MIR2052HG: variants seen among roughly 807,000 people sequenced by gnomAD.
MIR2052HG encodes the protein MIR2052 host gene.
intron 4 of MIR2052HG, among the ~76,000 whole-genome samples, chr8:74,738,694 CA>C: frequency 6.6e-6 from 1 of 152,260 alleles, no homozygotes; most frequent in East Asian, 1.9e-4. Context: ...ATTAATGCCA[CA>C]AAAATGGTGA....
intron 2 of MIR2052HG, among the ~76,000 whole-genome samples, chr8:74,685,247 A>G (rs1038512080): frequency 2.6e-5 from 4 of 152,136 alleles, no homozygotes; most frequent in African/African-American, 7.2e-5. Flanking sequence ...TGGCTAAGAT[A>G]TAATTTCACT....
chr8:74,680,759 C>A (rs1275152957), intron 2 of MIR2052HG, among the ~76,000 whole-genome samples: 1 of 152,050 alleles, frequency 6.6e-6, no homozygotes, highest in East Asian at 1.9e-4. Flanking sequence ...CAGACACATG[C>A]ACACGTATGT....
intron 4 of MIR2052HG, among the ~76,000 whole-genome samples, chr8:74,722,892 C>G (rs992435758): frequency 6.6e-6 from 1 of 152,178 alleles, no homozygotes; most frequent in African/African-American, 2.4e-5. Flanking sequence ...AGAAATTCAA[C>G]TCTGGCCAAC....
Position 74,757,288 on chromosome 8 carries a change from A to G in MIR2052HG, n.465-823A>G, listed in dbSNP as rs911020075. 3.9e-5 allele frequency: 6 copies of G among 152,188 alleles called. No individual in the cohort carries two copies. In the East Asian group the frequency reaches 1.2e-3, roughly 29 times the overall value. The allele number at this position is 152,188 out of a possible 1,614,324, so 9.4% of individuals were successfully genotyped here. ...TTGTTCACTGCTGCCAAAAATAGTT[A>G]GCTTTATTATGAGCTCTTGTACTGG... is the stretch of plus-strand genomic sequence containing the variant. On this transcript the variant is annotated intron_variant and non_coding_transcript_variant, in intron 5 of 6. Transcript: ENST00000523442.
At chr8:74,684,785 C>G (rs753665900) in intron 2 of MIR2052HG, among the ~76,000 whole-genome samples, 1 of 151,980 alleles carries the variant, frequency 6.6e-6, no homozygotes, top group Non-Finnish European at 1.5e-5. Flanking sequence ...AAGGTGTGTT[C>G]AAGTGAGATT....
In MIR2052HG at chr8:74,633,579, A is replaced by G. The variant is rs181145416; in HGVS notation, n.216+20639A>G. On this transcript the variant is annotated intron_variant and non_coding_transcript_variant, in intron 2 of 6. Coordinates refer to ENST00000523442, the Ensembl canonical transcript of MIR2052HG. ...ATGACGGCAGAGATTGATTTCTAGC[A>G]TTGTCATGTCACTTGCATGAGTTGT... Among the ~76,000 whole-genome samples, 44 of 152,240 alleles carry G rather than the reference A, an allele frequency of 2.9e-4. No individual in the cohort carries two copies. In the Middle Eastern group the frequency reaches 0.014, roughly 47 times the overall value.
chr8:74,703,454 G>A (rs1005843769), intron 3 of MIR2052HG, among the ~76,000 whole-genome samples: 1 of 151,956 alleles, frequency 6.6e-6, no homozygotes, highest in African/African-American at 2.4e-5. Context: ...CTGGCTCCAA[G>A]CTAACAATAA....
At chr8:74,742,513 A>G in intron 4 of MIR2052HG, among the ~76,000 whole-genome samples, 1 of 152,168 alleles carries the variant, frequency 6.6e-6, no homozygotes, top group East Asian at 1.9e-4. Flanking sequence ...TGGATAAATG[A>G]TGCCTATAAT....
intron 1 of MIR2052HG, among the ~76,000 whole-genome samples, chr8:74,610,754 G>A (rs968824658): frequency 6.6e-6 from 1 of 151,938 alleles, no homozygotes. Flanking sequence ...TTTCAATAAT[G>A]TTGCTGTAAC....
At chr8:74,745,258 A>G (rs999704683) in intron 4 of MIR2052HG, among the ~76,000 whole-genome samples, 5 of 152,138 alleles carry the variant, frequency 3.3e-5, no homozygotes, top group African/African-American at 1.2e-4. Flanking sequence ...GCTAGACCTC[A>G]TCTCAAAAAC....
At chr8:74,663,264 T>G (rs921612426) in intron 2 of MIR2052HG, among the ~76,000 whole-genome samples, 12 of 152,136 alleles carry the variant, frequency 7.9e-5, no homozygotes, top group African/African-American at 2.7e-4. Flanking sequence ...GCTGGAGTAA[T>G]GACAAAGTTT....
chr8:74,677,135 T>A (rs749430468), intron 2 of MIR2052HG, among the ~76,000 whole-genome samples: 3 of 152,034 alleles, frequency 2.0e-5, no homozygotes, highest in Non-Finnish European at 4.4e-5. Flanking sequence ...AAGAGCTCAG[T>A]TCACCAGGAA....
In MIR2052HG at chr8:74,724,854, CT is replaced by C. The variant is rs112503330; in HGVS notation, n.371+21182del. 1.7e-4 allele frequency among the ~76,000 whole-genome samples: 25 copies of C among 149,854 alleles called. 2 individuals carry two copies. Among genetic ancestry groups the C allele is most frequent in the East Asian group, 1.6e-3 (8 of 5,096 alleles). On this transcript the variant is annotated intron_variant and non_coding_transcript_variant, in intron 4 of 6. Coordinates refer to ENST00000523442, the Ensembl canonical transcript of MIR2052HG. ...CACCATCTCAACACTGTATTATGGA[CT>C]TTTTTTTTTCTCCAACTTTACCTGG...
chr8:74,603,664 G>A (rs1476762238), intron 1 of MIR2052HG: 2 of 1,076,000 alleles, frequency 1.9e-6, no homozygotes, highest in African/African-American at 1.5e-5. Context: ...AAGGGTATAG[G>A]CCTGACCGCC....
chr8:74,695,228 A>C (rs1022096345), intron 2 of MIR2052HG, among the ~76,000 whole-genome samples: 1 of 152,202 alleles, frequency 6.6e-6, no homozygotes, highest in African/African-American at 2.4e-5. Flanking sequence ...TAAATGAAGG[A>C]AAGATACAAT....
intron 4 of MIR2052HG, among the ~76,000 whole-genome samples, chr8:74,746,997 A>G (rs2128756329): frequency 6.6e-6 from 1 of 152,286 alleles, no homozygotes; most frequent in Admixed American, 6.5e-5. Context: ...ATAGGAAAAA[A>G]GCTACCAAAG....
At position 74,615,771 on chromosome 8, in the gene MIR2052HG, CCCACAACAGGCCCTGG is replaced by C. The variant is rs566782900; in HGVS notation, n.216+2832_216+2847del. 4.9e-3 allele frequency among the ~76,000 whole-genome samples: 749 copies of C among 152,200 alleles called. 11 individuals are homozygous for C. The highest frequency in any genetic ancestry group is 0.017 in the African/African-American group (699 of 41,518). On this transcript the variant is annotated intron_variant and non_coding_transcript_variant, in intron 2 of 6. Coordinates refer to ENST00000523442, the Ensembl canonical transcript of MIR2052HG. Reference sequence around the variant, plus strand: ...TACTATCCTTCCCCACTCCCCCCACCCCACAACAGGCCCTGGTGTGTGATGTTCCCCACCCTGTGTC... The same window carrying C: ...TACTATCCTTCCCCACTCCCCCCACCTGTGTGATGTTCCCCACCCTGTGTC...
intron 2 of MIR2052HG, among the ~76,000 whole-genome samples, chr8:74,673,628 G>A (rs761972199): frequency 6.6e-5 from 10 of 151,898 alleles, no homozygotes; most frequent in Admixed American, 6.6e-4. Flanking sequence ...CCAGGACCAC[G>A]TCCATCAATT....
intron 2 of MIR2052HG, among the ~76,000 whole-genome samples, chr8:74,663,031 T>C (rs1808883507): frequency 6.6e-6 from 1 of 152,174 alleles, no homozygotes; most frequent in African/African-American, 2.4e-5. Flanking sequence ...CAAAATTGCA[T>C]CTTATTTTAA....
Sources: gnomAD v4.1 joint callset for allele counts (sites outside exome capture counted in the v4.1 genomes callset) on GRCh38, gnomAD v4.1.1 for gene constraint, MANE v1.5 for transcripts, NCBI Gene and HGNC (gene_info 2026-07-23, HGNC 2026-07-21) for gene names.